LOXL2: variants seen among roughly 807,000 people sequenced by gnomAD.
LOXL2 encodes the protein lysyl oxidase homolog 2.
Under a neutral mutation model 93.0 loss-of-function variants are expected in LOXL2, and 70 were observed. The observed-to-expected ratio is 0.75, with a 90% CI of 0.62 to 0.92. The LOEUF is 0.92. Ranked by LOEUF, LOXL2 falls within the 40% of genes least tolerant of loss-of-function variation. LOXL2 has a pLI of 0.00. For synonymous variants in LOXL2, 438 were observed against 413.2 expected, an observed-to-expected ratio of 1.06 and a Z score of -0.73; for missense variants, 973 against 1,054.9, an observed-to-expected ratio of 0.92 and a Z score of 1.08.
In LOXL2 at chr8:23,322,112, G is replaced by A. The variant is rs1390446640; in HGVS notation, c.1302+18C>T. ...GCAGCCTCAGTTACAGTCCCCTCTA[G>A]GTGTCCAGTCCCATCACCTTCTTCT... On this transcript the variant is annotated intron_variant, in intron 7 of 13. Transcript: ENST00000389131. 6.2e-7 allele frequency: 1 copy of A among 1,613,124 alleles called. No individual in the cohort carries two copies. Among genetic ancestry groups the A allele is most frequent in the Non-Finnish European group, 8.5e-7 (1 of 1,179,456 alleles).
At chr8:23,355,501 G>C (rs1183557425) in intron 3 of LOXL2, among the ~76,000 whole-genome samples, 20 of 127,748 alleles carry the variant, frequency 1.6e-4, no homozygotes, top group East Asian at 2.6e-4. Context: ...CTGTAAAGCA[G>C]TTGACATTCA....
rs200175466 is a variant in LOXL2, at chr8:23,298,138, C to T, written c.2246-16G>A. 8.8e-5 allele frequency: 142 copies of T among 1,606,614 alleles called. 1 individual carries two copies. The African/African-American group carries it at 1.4e-3, about 16-fold the overall frequency. ...AAGGAACCACCTGAAGAGCGAGAAT[C>T]GGGTAGAGAGAGTGGACAAATGAGA... is the stretch of plus-strand genomic sequence containing the variant. On this transcript the variant is annotated splice_polypyrimidine_tract_variant and intron_variant, in intron 13 of 13. Coordinates refer to ENST00000389131, the MANE Select transcript of LOXL2 (RefSeq NM_002318.3).
At chr8:23,334,616 T>C (rs575757233) in intron 4 of LOXL2, among the ~76,000 whole-genome samples, 43 of 152,250 alleles carry the variant, frequency 2.8e-4, no homozygotes, top group Non-Finnish European at 5.3e-4. Context: ...ATTGTTAACA[T>C]GTGCAAAGTG....
chr8:23,299,018 G>T, intron 12 of LOXL2, 71 bp from the exon 13 acceptor site: 1 of 892,786 alleles, frequency 1.1e-6, no homozygotes. Context: ...CTGGGGCTCT[G>T]AGAGACCAGC....
intron 4 of LOXL2, among the ~76,000 whole-genome samples, chr8:23,334,660 T>C (rs796838940): frequency 3.3e-5 from 5 of 150,822 alleles, no homozygotes; most frequent in African/African-American, 1.2e-4. Context: ...AGGCAGAATA[T>C]AGATGCAGGT....
At chr8:23,394,111 G>A (rs1367604942) in intron 1 of LOXL2, among the ~76,000 whole-genome samples, 2 of 152,258 alleles carry the variant, frequency 1.3e-5, no homozygotes, top group Admixed American at 6.5e-5. Context: ...AAGAAACCCA[G>A]GCTAGGCACG....
chr8:23,366,898 C>T (rs1804410329), intron 2 of LOXL2, among the ~76,000 whole-genome samples: 1 of 152,112 alleles, frequency 6.6e-6, no homozygotes, highest in Non-Finnish European at 1.5e-5. Context: ...GGTTCTTAGC[C>T]CAACTTCCAG....
intron 4 of LOXL2, among the ~76,000 whole-genome samples, chr8:23,340,325 ACCAAGTATACC>A (rs1803862095): frequency 6.6e-6 from 1 of 152,094 alleles, no homozygotes; most frequent in Non-Finnish European, 1.5e-5. Context: ...CCCATGACCA[ACCAAGTATACC>A]CCAAGTATAC....
chr8:23,354,588 C>CTGTGTGTGTGTGTGTG (rs35274565), intron 3 of LOXL2, among the ~76,000 whole-genome samples: 187 of 150,906 alleles, frequency 1.2e-3, no homozygotes, highest in African/African-American at 3.7e-3. Flanking sequence ...CATCCCTTCT[C>CTGTGTGTGTGTGTGTG]TGTGTGTGTG....
intron 11 of LOXL2, 134 bp from the exon 12 acceptor site, chr8:23,302,297 C>T: frequency 9.6e-7 from 1 of 1,039,888 alleles, no homozygotes; most frequent in Non-Finnish European, 1.4e-6. Flanking sequence ...GGCTGCTCAT[C>T]TGTTCTCATT....
At position 23,360,353 on chromosome 8, in the gene LOXL2, G is replaced by T. The variant is rs113628515; in HGVS notation, c.356-88C>A. The T allele has an allele frequency of 4.0e-4, 397 of 1,005,028 alleles. 2 individuals are homozygous for T. The highest frequency in any genetic ancestry group is 5.1e-4 in the Non-Finnish European group (354 of 696,604). 62.3% of individuals were successfully genotyped at this position (1,005,028 alleles called of 1,614,324 possible). On this transcript the variant is annotated intron_variant, in intron 2 of 13. Transcript: ENST00000389131. Reference sequence around the variant, plus strand: ...GGCACCAGTGTCTCACATGGAAAGAGAATTTTTCTCTAATTTTGGCAGCTG... The same window carrying T: ...GGCACCAGTGTCTCACATGGAAAGATAATTTTTCTCTAATTTTGGCAGCTG...
chr8:23,314,619 A>C (rs1803364520), intron 9 of LOXL2, among the ~76,000 whole-genome samples: 1 of 151,294 alleles, frequency 6.6e-6, no homozygotes, highest in Non-Finnish European at 1.5e-5. Flanking sequence ...CAGGAAGGGG[A>C]ACATCACACT....
At chr8:23,327,498 T>C (rs942495850) in intron 6 of LOXL2, among the ~76,000 whole-genome samples, 3 of 152,132 alleles carry the variant, frequency 2.0e-5, no homozygotes, top group Admixed American at 2.0e-4. Flanking sequence ...CCTATTCTGC[T>C]TCCTACCTAT....
intron 1 of LOXL2, among the ~76,000 whole-genome samples, chr8:23,398,181 T>C (rs1800117510): frequency 6.6e-6 from 1 of 152,162 alleles, no homozygotes; most frequent in Admixed American, 6.5e-5. Flanking sequence ...AAAGATATTA[T>C]AAAGAAACTG....
intron 6 of LOXL2, among the ~76,000 whole-genome samples, chr8:23,323,218 G>C (rs996971745): frequency 1.3e-5 from 2 of 152,220 alleles, no homozygotes; most frequent in Admixed American, 1.3e-4. Context: ...AGCATGGAAA[G>C]GCTGTGACAA....
At position 23,394,396 on chromosome 8, in the gene LOXL2, GAAAAAAAA is replaced by G. The variant is rs1159727066; in HGVS notation, c.-84+9550_-84+9557del. Among the ~76,000 whole-genome samples the G allele has an allele frequency of 1.7e-4, 11 of 64,354 alleles. No homozygotes were observed. In the East Asian group the frequency reaches 2.6e-3, roughly 15 times the overall value. The allele number at this position is 64,354 out of a possible 152,430, so 42.2% of individuals were successfully genotyped here. A position where few individuals can be genotyped will look rare whatever the true frequency, so the allele number is the denominator to read the frequency against. On this transcript the variant is annotated intron_variant, in intron 1 of 13. Coordinates refer to ENST00000389131, the MANE Select transcript of LOXL2 (RefSeq NM_002318.3). Reference sequence around the variant, plus strand: ...TGACAGAGTGAGACTCTGTCTCAGAGAAAAAAAAAAAAAAAAAAAGACAACCAACCCAA... The same window carrying G: ...TGACAGAGTGAGACTCTGTCTCAGAGAAAAAAAAAAAGACAACCAACCCAA...
chr8:23,360,022 C>A, intron 3 of LOXL2, 68 bp downstream of exon 3: 1 of 1,448,700 alleles, frequency 6.9e-7, no homozygotes, highest in Non-Finnish European at 9.6e-7. Context: ...AATCAATACG[C>A]AAAAAGCGAG....
intron 9 of LOXL2, among the ~76,000 whole-genome samples, chr8:23,312,741 T>C (rs12550649): frequency 0.032 from 1,125 of 34,752 alleles, 130 homozygotes; most frequent in African/African-American, 0.11. Context: ...AACTGGCACA[T>C]GACAGGGATG....
At chr8:23,397,497 G>A (rs1208137523) in intron 1 of LOXL2, among the ~76,000 whole-genome samples, 2 of 152,064 alleles carry the variant, frequency 1.3e-5, no homozygotes, top group African/African-American at 2.4e-5. Context: ...ATGCTTTTCC[G>A]GCCAGGCACA....
Sources: gnomAD v4.1 joint callset for allele counts (sites outside exome capture counted in the v4.1 genomes callset) on GRCh38, gnomAD v4.1.1 for gene constraint, MANE v1.5 for transcripts, NCBI Gene and HGNC (gene_info 2026-07-23, HGNC 2026-07-21) for gene names.